PRELID2: variants seen among roughly 807,000 people sequenced by gnomAD.
The protein encoded by PRELID2 is PRELI domain containing 2.
Under a neutral mutation model 28.4 loss-of-function variants are expected in PRELID2, and 25 were observed. The observed-to-expected ratio is 0.88, with a 90% CI of 0.64 to 1.23. The LOEUF (loss-of-function observed/expected upper bound fraction) is 1.23, where lower values mean the gene tolerates loss of function less well. Among genes scored for constraint, PRELID2 ranks in the 50% most tolerant of loss-of-function variants. PRELID2 has a pLI of 0.00. For missense variants in PRELID2, 201 were observed against 214.4 expected, an observed-to-expected ratio of 0.94 and a Z score of 0.39; for synonymous variants, 76 against 71.6, an observed-to-expected ratio of 1.06 and a Z score of -0.31.
Position 145,800,336 on chromosome 5 carries a change from G to A in PRELID2, c.369-3789C>T, listed in dbSNP as rs950079200. ...CACACACACACACACACACACACAC[G>A]AGTTATCCCATCCACTCTGACATAA... On this transcript the variant is annotated intron_variant, in intron 4 of 6. Transcript: ENST00000683046. Among the ~76,000 whole-genome samples the A allele has an allele frequency of 9.8e-5, 10 of 101,632 alleles. No homozygotes were observed. In the East Asian group the frequency reaches 2.8e-3, roughly 28 times the overall value. The allele number at this position is 101,632 out of a possible 152,430, so 66.7% of individuals were successfully genotyped here.
At chr5:145,540,674 A>G (rs1752738211) in intron 1 of PRELID2, among the ~76,000 whole-genome samples, 1 of 150,578 alleles carries the variant, frequency 6.6e-6, no homozygotes. Context: ...CATTTTTTCT[A>G]AGAAGTCAAT....
intron 1 of PRELID2, among the ~76,000 whole-genome samples, chr5:145,695,060 G>T (rs1291809452): frequency 6.6e-6 from 1 of 152,186 alleles, no homozygotes; most frequent in East Asian, 1.9e-4. Context: ...CATGGGTCAT[G>T]CCTTACTTTG....
At position 145,771,505 on chromosome 5, in the gene PRELID2, G is replaced by A. The variant is rs114962299; in HGVS notation, c.475-6505C>T. 7.9e-3 allele frequency among the ~76,000 whole-genome samples: 1,206 copies of A among 151,978 alleles called. 6 individuals are homozygous for A. Among genetic ancestry groups the A allele is most frequent in the Non-Finnish European group, 0.013 (851 of 68,006 alleles). On this transcript the variant is annotated intron_variant, in intron 5 of 6. Transcript: ENST00000683046. ...TTTGAGTAAGACCCAAAGTCCAGTC[G>A]TAAGTGTGACACACAGAGATAAAGG...
At chr5:145,634,647 C>T (rs1167964463) in intron 1 of PRELID2, among the ~76,000 whole-genome samples, 2 of 152,116 alleles carry the variant, frequency 1.3e-5, no homozygotes, top group South Asian at 4.1e-4. Flanking sequence ...AGATGCTTCC[C>T]TCCCTCCCTG....
the PRELID2 span, among the ~76,000 whole-genome samples, chr5:145,406,348 C>T: frequency 6.6e-6 from 1 of 152,106 alleles, no homozygotes; most frequent in African/African-American, 2.4e-5. Flanking sequence ...TTAATGTTTA[C>T]ATAATATTTA....
At chr5:145,516,789 T>C (rs763319777) in intron 1 of PRELID2, among the ~76,000 whole-genome samples, 1 of 151,888 alleles carries the variant, frequency 6.6e-6, no homozygotes, top group South Asian at 2.1e-4. Context: ...CCAAAACAGA[T>C]ATATAGACCA....
Position 145,823,125 on chromosome 5 carries a change from G to T in PRELID2, c.85C>A (p.Pro29Thr). 1.3e-6 allele frequency: 2 copies of T among 1,518,202 alleles called. No individual in the cohort carries two copies. The highest frequency in any genetic ancestry group is 1.8e-6 in the Non-Finnish European group (2 of 1,093,300). The allele number at this position is 1,518,202 out of a possible 1,614,324, so 94.0% of individuals were successfully genotyped here. ...VASFLRKYPN[P>T]MDKNVISVKI... ...ACTGAGATGACATTTTTATCCATGG[G>T]GTTGGGGTACTAAACAAAAATATAT... Residue 29 changes from proline (P) to threonine (T), a missense_variant, in exon 2 of 7, where the codon CCC (proline) becomes ACC (threonine). Pro to Thr is a conservative substitution (Grantham distance 38, BLOSUM62 -1). Coordinates refer to ENST00000683046, the MANE Select transcript of PRELID2 (RefSeq NM_205846.3).
chr5:145,735,094 A>AT (rs1333423913), intron 1 of PRELID2, among the ~76,000 whole-genome samples: 1 of 150,024 alleles, frequency 6.7e-6, no homozygotes. Flanking sequence ...AAAATACAAA[A>AT]ATTAGCCAGG....
rs565364964 is a variant in PRELID2, at chr5:145,491,144, T to C, written n.71-17829A>G. ...ACCATGCACAATAAATTCTCAGTAT[T>C]TTATTTTTAATATATTTCTTAACAT... On this transcript the variant is annotated intron_variant and non_coding_transcript_variant, in intron 1 of 2. Transcript: ENST00000510259. 2.0e-5 allele frequency among the ~76,000 whole-genome samples: 3 copies of C among 152,352 alleles called. No individual in the cohort carries two copies. In the South Asian group the frequency reaches 6.2e-4, roughly 32 times the overall value.
intron 1 of PRELID2, among the ~76,000 whole-genome samples, chr5:145,661,061 A>G (rs1754484140): frequency 6.6e-6 from 1 of 152,214 alleles, no homozygotes; most frequent in African/African-American, 2.4e-5. Context: ...ACATTGGGGC[A>G]TATGAGGTAA....
intron 4 of PRELID2, among the ~76,000 whole-genome samples, chr5:145,803,831 T>C (rs899039284): frequency 1.3e-5 from 2 of 151,768 alleles, no homozygotes; most frequent in Non-Finnish European, 2.9e-5. Context: ...TTCATTAACT[T>C]CTAGGTGGAA....
intron 4 of PRELID2, among the ~76,000 whole-genome samples, chr5:145,817,421 T>TTATATATATATATTTATATTTA (rs1554099436): frequency 1.4e-4 from 15 of 103,606 alleles, no homozygotes; most frequent in Admixed American, 9.6e-4. Context: ...TAAGCTAGTT[T>TTATATATATATATTTATATTTA]TATATATATA....
chr5:145,252,738 A>G, the PRELID2 span, among the ~76,000 whole-genome samples: 2 of 152,142 alleles, frequency 1.3e-5, no homozygotes, highest in Non-Finnish European at 2.9e-5. Flanking sequence ...TAAAAGGTAC[A>G]GAGCTTCAGT....
intron 1 of PRELID2, among the ~76,000 whole-genome samples, chr5:145,614,762 T>C (rs1211740659): frequency 6.6e-6 from 1 of 152,160 alleles, no homozygotes; most frequent in African/African-American, 2.4e-5. Flanking sequence ...TAAACAATCA[T>C]ATCATCAGCA....
chr5:145,268,718 A>G, the PRELID2 span, among the ~76,000 whole-genome samples: 1 of 152,146 alleles, frequency 6.6e-6, no homozygotes, highest in African/African-American at 2.4e-5. Context: ...AAACTAAATT[A>G]AAAGTATAAA....
chr5:145,332,144 C>T, the PRELID2 span, among the ~76,000 whole-genome samples: 1 of 152,190 alleles, frequency 6.6e-6, no homozygotes, highest in Non-Finnish European at 1.5e-5. Flanking sequence ...TGCTGATATT[C>T]TGATTGGCTT....
chr5:145,454,885 T>C, the PRELID2 span, among the ~76,000 whole-genome samples: 1 of 152,210 alleles, frequency 6.6e-6, no homozygotes, highest in Non-Finnish European at 1.5e-5. Flanking sequence ...ATTAGCCCTT[T>C]GTCAGATGGA....
At chr5:145,415,322 T>G in the PRELID2 span, among the ~76,000 whole-genome samples, 1 of 152,018 alleles carries the variant, frequency 6.6e-6, no homozygotes, top group Admixed American at 6.6e-5. Context: ...AGGGTACATG[T>G]GCACAATGTG....
chr5:145,424,610 G>A, the PRELID2 span, among the ~76,000 whole-genome samples: 9 of 152,162 alleles, frequency 5.9e-5, no homozygotes, highest in South Asian at 4.1e-4. Context: ...CACGGTGCGC[G>A]CACCCACTGA....
Sources: gnomAD v4.1 joint callset for allele counts (sites outside exome capture counted in the v4.1 genomes callset) on GRCh38, gnomAD v4.1.1 for gene constraint, MANE v1.5 for transcripts, NCBI Gene and HGNC (gene_info 2026-07-23, HGNC 2026-07-21) for gene names.